FMN2: variants seen among roughly 807,000 people sequenced by gnomAD.
The protein encoded by FMN2 is formin 2.
FMN2 carries 51 observed loss-of-function variants against 142.3 expected under a neutral mutation model. The ratio of observed to expected loss-of-function variants is 0.36; its 90% CI spans 0.29 to 0.45. FMN2 has a LOEUF of 0.45. Ranked by LOEUF, FMN2 falls within the 20% of genes least tolerant of loss-of-function variation. The pLI, the probability that FMN2 is intolerant of heterozygous loss-of-function variation, is 1.00. For synonymous variants in FMN2, 882 were observed against 869.8 expected (o/e 1.01, Z -0.25); for missense variants, 1,936 against 2,122.8 (o/e 0.91, Z 1.73).
intron 15 of FMN2, among the ~76,000 whole-genome samples, chr1:240,427,219 T>G (rs190805043): frequency 2.3e-3 from 345 of 149,724 alleles, no homozygotes; most frequent in African/African-American, 8.6e-3. Context: ...TTGTTTTTGT[T>G]TTTTTGAGAC....
chr1:240,093,119 C>T lies in FMN2; in HGVS notation c.1010C>T (p.Ala337Val), dbSNP rs1482836934. 3 of 1,398,738 alleles carry T rather than the reference C, an allele frequency of 2.1e-6. No individual in the cohort carries two copies. The highest frequency in any genetic ancestry group is 1.6e-5 in the South Asian group (1 of 62,016). The allele number at this position is 1,398,738 out of a possible 1,614,324, so 86.6% of individuals were successfully genotyped here. The change falls in exon 1 of 18, where the codon GCC (alanine) becomes GTC (valine). Residue 337 changes from alanine (A) to valine (V), a missense_variant. Ala to Val is a moderately conservative substitution (Grantham distance 64). Transcript: ENST00000319653. ...GGGCCGGGGGAGGAAGCGGCCGGAG[C>T]CCCCGTGCGAGGGGCTGGGGACACG... ...EAGPGEEAAG[A>V]PVRGAGDTDE...
intron 14 of FMN2, among the ~76,000 whole-genome samples, chr1:240,365,277 ACATAT>A (rs1272436334): frequency 1.6e-5 from 2 of 125,510 alleles, no homozygotes; most frequent in African/African-American, 3.3e-5. Flanking sequence ...ATATATACAT[ACATAT>A]GTGTGTGTAT....
intron 2 of FMN2, among the ~76,000 whole-genome samples, chr1:240,154,129 A>AAAAAAAAAAAAATAAAAG (rs3047192): frequency 9.8e-6 from 1 of 102,154 alleles, no homozygotes; most frequent in Non-Finnish European, 2.0e-5. Flanking sequence ...AAAAAAAAAA[A>AAAAAAAAAAAAATAAAAG]AAGTGTTACT....
chr1:240,092,583 G>A lies in FMN2; in HGVS notation c.474G>A (p.Pro158=), dbSNP rs1198977248. 9 of 1,613,510 alleles carry A rather than the reference G, an allele frequency of 5.6e-6. No individual in the cohort carries two copies. The highest frequency in any genetic ancestry group is 7.6e-6 in the Non-Finnish European group (9 of 1,179,920). ...GPAEARVGGR[P]IAEDVETAAG... ...CCGAGGCTAGGGTCGGGGGCCGGCC[G>A]ATCGCCGAGGATGTGGAAACTGCAG... The change falls in exon 1 of 18, where the codon CCG becomes CCA. Residue 158 remains proline (P), a synonymous_variant. Coordinates refer to ENST00000319653, the MANE Select transcript of FMN2 (RefSeq NM_020066.5).
intron 13 of FMN2, chr1:240,341,296 G>A (rs547875047): frequency 6.6e-6 from 1 of 152,030 alleles, no homozygotes; most frequent in Non-Finnish European, 1.5e-5. Context: ...TTCAGCTGTT[G>A]TTTCATCTGA....
chr1:240,215,378 C>T (rs898619703), intron 6 of FMN2, among the ~76,000 whole-genome samples: 1 of 152,132 alleles, frequency 6.6e-6, no homozygotes, highest in Admixed American at 6.5e-5. Context: ...GTTCATAGTA[C>T]AGAAACCTCA....
At chr1:240,141,058 CA>C (rs1281638297) in intron 2 of FMN2, among the ~76,000 whole-genome samples, 2 of 152,184 alleles carry the variant, frequency 1.3e-5, no homozygotes, top group Non-Finnish European at 2.9e-5. Flanking sequence ...TCATTTACAA[CA>C]GAGTCTAACT....
chr1:240,449,528 G>A (rs972863044), intron 16 of FMN2, among the ~76,000 whole-genome samples: 3 of 152,202 alleles, frequency 2.0e-5, no homozygotes, highest in Non-Finnish European at 2.9e-5. Flanking sequence ...GATACCCAGT[G>A]AAGATTAACC....
Position 240,128,655 on chromosome 1 carries a change from T to C in FMN2, c.1782+5310T>C, listed in dbSNP as rs556764542. Among the ~76,000 whole-genome samples, 14 of 152,140 alleles carry C rather than the reference T, an allele frequency of 9.2e-5. 1 individual carries two copies. Among genetic ancestry groups the C allele is most frequent in the East Asian group, 3.8e-4 (2 of 5,196 alleles). On this transcript the variant is annotated intron_variant, in intron 2 of 17. Transcript: ENST00000319653. ...AAATGGACATCGGTTTGGATGAATA[T>C]GTGAGCGAAGCTAAAATTAAAGACA...
At chr1:240,469,519 C>A in intron 16 of FMN2, among the ~76,000 whole-genome samples, 1 of 152,160 alleles carries the variant, frequency 6.6e-6, no homozygotes, top group Non-Finnish European at 1.5e-5. Context: ...CCTATGGCAG[C>A]AGAAAGGAGA....
chr1:240,432,942 A>G (rs559267013), intron 15 of FMN2, among the ~76,000 whole-genome samples: 55 of 152,238 alleles, frequency 3.6e-4, no homozygotes, highest in Non-Finnish European at 5.7e-4. Context: ...ATATTCTACC[A>G]TTGGTCATAA....
intron 16 of FMN2, among the ~76,000 whole-genome samples, chr1:240,448,685 G>A (rs1675905864): frequency 6.6e-6 from 1 of 152,046 alleles, no homozygotes; most frequent in African/African-American, 2.4e-5. Context: ...GCTTGGCATG[G>A]TGGTGCACAC....
At chr1:240,258,871 C>T (rs1668534858) in intron 7 of FMN2, among the ~76,000 whole-genome samples, 1 of 152,128 alleles carries the variant, frequency 6.6e-6, no homozygotes, top group Non-Finnish European at 1.5e-5. Flanking sequence ...TGCCAGTTTA[C>T]CTATTAAAGA....
rs181506903 is a variant in FMN2, at chr1:240,470,293, G to T, written c.5061-2079G>T. On this transcript the variant is annotated intron_variant, in intron 16 of 17. Transcript: ENST00000319653. The stretch of plus-strand genomic sequence containing the variant: ...TGGTAGCTGTTTCAGAGGGAGATGG[G>T]GATGCTGCAATCCTTAGTTTGTTAT... Among the ~76,000 whole-genome samples, 13 of 152,120 alleles carry T rather than the reference G, an allele frequency of 8.5e-5. No individual in the cohort carries two copies. In the East Asian group the frequency reaches 2.5e-3, roughly 29 times the overall value.
chr1:240,259,585 T>TA (rs1668559827), intron 7 of FMN2, among the ~76,000 whole-genome samples: 1 of 151,542 alleles, frequency 6.6e-6, no homozygotes, highest in Admixed American at 6.6e-5. Flanking sequence ...CTTGGTGTAT[T>TA]GTCTGCAAAC....
At chr1:240,149,242 A>G (rs781666103) in intron 2 of FMN2, among the ~76,000 whole-genome samples, 1 of 152,214 alleles carries the variant, frequency 6.6e-6, no homozygotes, top group Non-Finnish European at 1.5e-5. Flanking sequence ...TAAGGTTTAT[A>G]TTCTATATTA....
At chr1:240,472,266 C>T in intron 16 of FMN2, 106 bp from the exon 17 acceptor site, 1 of 766,328 alleles carries the variant, frequency 1.3e-6, no homozygotes. Context: ...TTATTTTCTG[C>T]AGTAATTCAA....
intron 16 of FMN2, among the ~76,000 whole-genome samples, chr1:240,439,811 A>C (rs1675546620): frequency 8.6e-6 from 1 of 115,944 alleles, no homozygotes; most frequent in African/African-American, 3.7e-5. Flanking sequence ...TCAGTTTGGA[A>C]GATTGTAAAG....
intron 1 of FMN2, among the ~76,000 whole-genome samples, chr1:240,113,291 C>T (rs978064526): frequency 1.3e-5 from 2 of 151,994 alleles, no homozygotes; most frequent in African/African-American, 2.4e-5. Context: ...TGGCCGGGCA[C>T]GGTGGTGCGC....
Sources: gnomAD v4.1 joint callset for allele counts (sites outside exome capture counted in the v4.1 genomes callset) on GRCh38, gnomAD v4.1.1 for gene constraint, MANE v1.5 for transcripts, NCBI Gene and HGNC (gene_info 2026-07-23, HGNC 2026-07-21) for gene names.